The following PARP9 variants were observed in gnomAD, a reference collection of about 807,000 sequenced individuals.
PARP9 encodes protein mono-ADP-ribosyltransferase PARP9.
PARP9 carries 48 observed loss-of-function variants against 68.8 expected under a neutral mutation model. That is an observed-to-expected ratio of 0.70 (90% CI 0.55 to 0.89). The LOEUF (loss-of-function observed/expected upper bound fraction) is 0.89, where lower values mean the gene tolerates loss of function less well. PARP9 is among the 40% of genes least tolerant of loss of function. The pLI is 0.00. For missense variants in PARP9, 806 were observed against 969.3 expected, an observed-to-expected ratio of 0.83 and a Z score of 2.24; for synonymous variants, 309 against 333.8, an observed-to-expected ratio of 0.93 and a Z score of 0.81.
chr3:122,563,923 C>T (rs374066900), intron 1 of PARP9, among the ~76,000 whole-genome samples: 2 of 152,152 alleles, frequency 1.3e-5, no homozygotes. Context: ...CCCGCAGAAG[C>T]CCGTCTAAAG....
At chr3:122,536,663 T>G in intron 9 of PARP9, 1 of 540,162 alleles carries the variant, frequency 1.9e-6, no homozygotes, top group South Asian at 2.7e-5. Flanking sequence ...GTGTGATAAA[T>G]GCTATTCCAC....
At chr3:122,540,983 C>T (rs2078178459) in intron 7 of PARP9, 131 bp from the exon 8 acceptor site, 12 of 1,032,396 alleles carry the variant, frequency 1.2e-5, no homozygotes, top group Non-Finnish European at 1.7e-5. Flanking sequence ...CTCCGCCTCC[C>T]GGGTTCACGC....
chr3:122,551,044 A>G (rs575063905), intron 5 of PARP9, among the ~76,000 whole-genome samples: 1 of 152,336 alleles, frequency 6.6e-6, no homozygotes, highest in South Asian at 2.1e-4. Flanking sequence ...TGAGGGCACT[A>G]GAATTTCTCC....
At chr3:122,558,592 G>A in intron 2 of PARP9, 125 bp from the exon 3 acceptor site, 2 of 1,141,268 alleles carry the variant, frequency 1.8e-6, no homozygotes, top group Non-Finnish European at 2.4e-6. Context: ...TGTTTGGGAG[G>A]GCAGGAAGCA....
chr3:122,540,941 AG>A (rs1356492233), intron 7 of PARP9, 89 bp from the exon 8 acceptor site: 1 of 1,382,294 alleles, frequency 7.2e-7, no homozygotes, highest in African/African-American at 1.5e-5. Context: ...CACAAGCTGG[AG>A]TGCAGTGCTG....
chr3:122,563,583 A>C (rs549289191), intron 1 of PARP9, among the ~76,000 whole-genome samples: 13 of 152,266 alleles, frequency 8.5e-5, no homozygotes, highest in African/African-American at 2.4e-4. Context: ...TCTGCTGGAC[A>C]GTGCCCATCT....
At chr3:122,546,950 C>G (rs1319937169) in intron 6 of PARP9, among the ~76,000 whole-genome samples, 1 of 134,374 alleles carries the variant, frequency 7.4e-6, no homozygotes. Context: ...CAGTGCCTGA[C>G]AGACACAATA....
intron 8 of PARP9, among the ~76,000 whole-genome samples, chr3:122,539,577 TG>T (rs1276115155): frequency 4.1e-5 from 6 of 146,562 alleles, no homozygotes; most frequent in African/African-American, 1.3e-4. Flanking sequence ...CTTTTTTTTT[TG>T]AGACAGAGTT....
intron 10 of PARP9, chr3:122,535,453 T>C (rs1184534000): frequency 2.0e-6 from 2 of 985,356 alleles, no homozygotes; most frequent in Non-Finnish European, 2.4e-6. Flanking sequence ...ACATATTTAA[T>C]AGACCAAGCA....
intron 10 of PARP9, chr3:122,535,952 T>A: frequency 7.0e-7 from 1 of 1,437,802 alleles, no homozygotes; most frequent in Non-Finnish European, 9.1e-7. Context: ...TTTTCATCAA[T>A]GTAAAATGCA....
At chr3:122,533,739 AC>A in intron 10 of PARP9, 1 of 985,426 alleles carries the variant, frequency 1.0e-6, no homozygotes, top group Non-Finnish European at 1.2e-6. Flanking sequence ...GCTGCACTCA[AC>A]CAAGTCCTAC....
chr3:122,562,075 A>G (rs551461772), intron 1 of PARP9, among the ~76,000 whole-genome samples: 9 of 152,200 alleles, frequency 5.9e-5, no homozygotes, highest in African/African-American at 2.2e-4. Flanking sequence ...ATCACTTTCA[A>G]ATATGCCCCT....
intron 10 of PARP9, among the ~76,000 whole-genome samples, chr3:122,529,468 C>T (rs2077147258): frequency 6.6e-6 from 1 of 151,614 alleles, no homozygotes; most frequent in East Asian, 2.0e-4. Flanking sequence ...TGTCTGACTT[C>T]GGCCGGGCGC....
intron 5 of PARP9, among the ~76,000 whole-genome samples, chr3:122,551,484 C>CTTTTA (rs749392566): frequency 2.4e-4 from 36 of 152,060 alleles, no homozygotes; most frequent in Admixed American, 1.0e-3. Flanking sequence ...TTCTTTAATG[C>CTTTTA]TTTTATTTTA....
Position 122,558,483 on chromosome 3 carries a change from A to C in PARP9, c.16-16T>G, listed in dbSNP as rs1386723847. ...CTCCGGCCACCTGTGAAAAATGAGA[A>C]TGGCTTTCTTAAAAAATGGAAGTGG... On this transcript the variant is annotated splice_polypyrimidine_tract_variant and intron_variant, in intron 2 of 10. Coordinates refer to ENST00000682323, the MANE Select transcript of PARP9 (RefSeq NM_001146105.2). 6.2e-7 allele frequency: 1 copy of C among 1,613,164 alleles called. No individual in the cohort carries two copies.
At chr3:122,543,381 G>A (rs981744261) in intron 7 of PARP9, among the ~76,000 whole-genome samples, 1 of 151,814 alleles carries the variant, frequency 6.6e-6, no homozygotes, top group Non-Finnish European at 1.5e-5. Context: ...ACGTTTAAGC[G>A]ATTCTCCTGC....
intron 3 of PARP9, 76 bp downstream of exon 3, chr3:122,558,358 G>A: frequency 6.2e-7 from 1 of 1,614,104 alleles, no homozygotes; most frequent in South Asian, 1.1e-5. Context: ...ACATTCTTCT[G>A]TATTCCCCTT....
chr3:122,554,535 A>C (rs922593973), intron 4 of PARP9, among the ~76,000 whole-genome samples: 4 of 152,200 alleles, frequency 2.6e-5, no homozygotes, highest in African/African-American at 7.2e-5. Flanking sequence ...ATAAATACTT[A>C]TTATGTGCCA....
chr3:122,547,087 T>C lies in PARP9; in HGVS notation c.1327-1598A>G, dbSNP rs1483163392. On this transcript the variant is annotated intron_variant, in intron 6 of 10. Coordinates refer to ENST00000682323, the MANE Select transcript of PARP9 (RefSeq NM_001146105.2). ...ATACATATATACACACACACACACA[T>C]ATATATATACACGTATTTTTTTTTC... Among the ~76,000 whole-genome samples the C allele has an allele frequency of 2.7e-4, 32 of 117,656 alleles. 2 individuals carry two copies. The highest frequency in any genetic ancestry group is 9.5e-4 in the East Asian group (4 of 4,192). The allele number at this position is 117,656 out of a possible 152,430, so 77.2% of individuals were successfully genotyped here. A position where few individuals can be genotyped will look rare whatever the true frequency, so the allele number is the denominator to read the frequency against.
Sources: allele counts gnomAD v4.1 joint callset (sites outside exome capture counted in the v4.1 genomes callset), GRCh38; gene constraint gnomAD v4.1.1; transcripts MANE v1.5; gene names NCBI Gene and HGNC (gene_info 2026-07-23, HGNC 2026-07-21).